Variants in ARID1B observed in about 807,000 individuals in gnomAD.
ARID1B encodes the protein AT-rich interactive domain-containing protein 1B.
ARID1B carries 30 observed loss-of-function variants against 212.3 expected under a neutral mutation model. That is an observed-to-expected ratio of 0.14 (90% CI 0.11 to 0.19). ARID1B has a LOEUF of 0.19. Among genes scored for constraint, ARID1B ranks in the 10% least tolerant of loss-of-function variants. ARID1B has a pLI of 1.00. For missense variants in ARID1B, 2,891 were observed against 3,204.0 expected, an observed-to-expected ratio of 0.90 and a Z score of 2.36; for synonymous variants, 1,402 against 1,301.7, an observed-to-expected ratio of 1.08 and a Z score of -1.66.
At chr6:156,884,173 C>T (rs1271081243) in intron 2 of ARID1B, among the ~76,000 whole-genome samples, 2 of 152,170 alleles carry the variant, frequency 1.3e-5, no homozygotes, top group Non-Finnish European at 2.9e-5. Context: ...CAGCAAGTGT[C>T]CTCTGTGTTC....
intron 1 of ARID1B, among the ~76,000 whole-genome samples, chr6:156,797,403 T>G (rs181132400): frequency 6.6e-6 from 1 of 152,358 alleles, no homozygotes; most frequent in African/African-American, 2.4e-5. Flanking sequence ...AGAGGAGCTA[T>G]CGCAGCTATT....
chr6:157,049,503 A>G lies in ARID1B; in HGVS notation c.2248-35159A>G, dbSNP rs544547248. Among the ~76,000 whole-genome samples the G allele has an allele frequency of 3.9e-5, 6 of 152,264 alleles. No homozygotes were observed. In the South Asian group the frequency reaches 8.3e-4, roughly 21 times the overall value. On this transcript the variant is annotated intron_variant, in intron 4 of 19. Coordinates refer to ENST00000636930, the MANE Select transcript of ARID1B (RefSeq NM_001374828.1). Reference sequence around the variant, plus strand: ...TTTCTTTTTTTTCCCCTAGCTACACATGGCAGTTTAAAGCATTTAATTGGC... The same window carrying G: ...TTTCTTTTTTTTCCCCTAGCTACACGTGGCAGTTTAAAGCATTTAATTGGC...
intron 4 of ARID1B, among the ~76,000 whole-genome samples, chr6:157,012,084 A>G (rs533463457): frequency 1.3e-5 from 2 of 152,384 alleles, no homozygotes; most frequent in African/African-American, 4.8e-5. Context: ...AAGAATTATG[A>G]TAAGATGAAC....
intron 2 of ARID1B, among the ~76,000 whole-genome samples, chr6:156,858,422 A>G (rs1785096900): frequency 1.3e-5 from 2 of 152,184 alleles, no homozygotes; most frequent in South Asian, 4.2e-4. Flanking sequence ...GAGGTGATGG[A>G]TATATTAATT....
intron 4 of ARID1B, among the ~76,000 whole-genome samples, chr6:157,029,282 T>G (rs1780877883): frequency 6.6e-6 from 1 of 152,368 alleles, no homozygotes; most frequent in South Asian, 2.1e-4. Flanking sequence ...TATAGTTATA[T>G]TAGGTAGAGC....
At chr6:156,962,192 G>C (rs541072240) in intron 4 of ARID1B, among the ~76,000 whole-genome samples, 1 of 151,998 alleles carries the variant, frequency 6.6e-6, no homozygotes, top group Non-Finnish European at 1.5e-5. Context: ...CCAGCTACTC[G>C]GAAGGCTGAG....
At chr6:156,867,044 C>A (rs937878908) in intron 2 of ARID1B, among the ~76,000 whole-genome samples, 3 of 152,164 alleles carry the variant, frequency 2.0e-5, no homozygotes, top group Non-Finnish European at 4.4e-5. Context: ...TATTATAATG[C>A]TATTTGTGTA....
In ARID1B at chr6:157,208,109, G is replaced by T. The variant is rs1049541242; in HGVS notation, c.*218G>T. On this transcript the variant is annotated 3_prime_UTR_variant, in exon 20 of 20. Coordinates refer to ENST00000636930, the MANE Select transcript of ARID1B (RefSeq NM_001374828.1). ...TGTGTGTATAAGTACATCCTTTGGG[G>T]TTTTTTTTTTCTCTTTTTTTTAACC... The T allele has an allele frequency of 7.8e-5, 35 of 446,418 alleles. No homozygotes were observed. The highest frequency in any genetic ancestry group is 6.3e-4 in the Middle Eastern group (1 of 1,580). 27.7% of individuals were successfully genotyped at this position (446,418 alleles called of 1,614,324 possible).
At chr6:156,874,671 C>A (rs991602793) in intron 2 of ARID1B, among the ~76,000 whole-genome samples, 1 of 152,196 alleles carries the variant, frequency 6.6e-6, no homozygotes, top group Non-Finnish European at 1.5e-5. Flanking sequence ...CTTACACAAA[C>A]CCCGCCTTCT....
At chr6:156,916,923 AAG>A (rs1790403484) in intron 3 of ARID1B, among the ~76,000 whole-genome samples, 1 of 152,114 alleles carries the variant, frequency 6.6e-6, no homozygotes, top group Non-Finnish European at 1.5e-5. Flanking sequence ...AGGTAACTCA[AAG>A]AGAGTTGCCT....
At chr6:156,798,005 T>A (rs148722747) in intron 1 of ARID1B, among the ~76,000 whole-genome samples, 1 of 152,130 alleles carries the variant, frequency 6.6e-6, no homozygotes, top group Non-Finnish European at 1.5e-5. Flanking sequence ...GGGGCTGACA[T>A]TGTGGTCATT....
chr6:156,856,442 C>T (rs1269687428), intron 2 of ARID1B, among the ~76,000 whole-genome samples: 2 of 152,154 alleles, frequency 1.3e-5, no homozygotes, highest in Non-Finnish European at 2.9e-5. Context: ...GTCCTATTAA[C>T]TCATTTTACA....
At chr6:157,017,424 C>T (rs1779973193) in intron 4 of ARID1B, among the ~76,000 whole-genome samples, 1 of 152,098 alleles carries the variant, frequency 6.6e-6, no homozygotes, top group South Asian at 2.1e-4. Flanking sequence ...TTTGTTGTGG[C>T]TAATAGATGA....
intron 4 of ARID1B, chr6:156,937,801 C>T (rs1792372760): frequency 6.6e-6 from 1 of 151,834 alleles, no homozygotes; most frequent in Non-Finnish European, 1.5e-5. Context: ...CAGCTATCTT[C>T]CTTAACCTTT....
chr6:156,975,920 C>G (rs894237745), intron 4 of ARID1B, among the ~76,000 whole-genome samples: 6 of 151,866 alleles, frequency 4.0e-5, no homozygotes, highest in African/African-American at 1.5e-4. Flanking sequence ...ATCATTAGTT[C>G]TTATAGGTTT....
chr6:156,858,684 G>T (rs1021314285), intron 2 of ARID1B, among the ~76,000 whole-genome samples: 4 of 152,148 alleles, frequency 2.6e-5, no homozygotes, highest in Admixed American at 6.5e-5. Flanking sequence ...CAGGAGAATC[G>T]CTTGGACCCA....
chr6:157,032,282 C>G (rs749205927), intron 4 of ARID1B, among the ~76,000 whole-genome samples: 17 of 152,140 alleles, frequency 1.1e-4, no homozygotes, highest in Non-Finnish European at 2.5e-4. Flanking sequence ...TCTCTTAAAA[C>G]CTGAATTTTT....
chr6:156,829,972 G>C lies in ARID1B; in HGVS notation c.1986+551G>C, dbSNP rs570379753. Among the ~76,000 whole-genome samples, 332 of 152,130 alleles carry C rather than the reference G, an allele frequency of 2.2e-3. 3 individuals are homozygous for C. Among genetic ancestry groups the C allele is most frequent in the Non-Finnish European group, 7.4e-4 (50 of 67,994 alleles). On this transcript the variant is annotated intron_variant, in intron 2 of 19. Coordinates refer to ENST00000636930, the MANE Select transcript of ARID1B (RefSeq NM_001374828.1). ...GATTTGATGTGCATCTGTTTTGTTAGGTCTTGATGGGTTTTGTGTTTTTAC... is the reference window on the plus strand; with the variant it reads ...GATTTGATGTGCATCTGTTTTGTTACGTCTTGATGGGTTTTGTGTTTTTAC...
chr6:157,062,784 A>C (rs1783430482), intron 4 of ARID1B, among the ~76,000 whole-genome samples: 1 of 150,460 alleles, frequency 6.6e-6, no homozygotes, highest in Non-Finnish European at 1.5e-5. Context: ...GCTCACTGCA[A>C]CCCCTGCCTC....
Sources: allele counts gnomAD v4.1 joint callset (sites outside exome capture counted in the v4.1 genomes callset), GRCh38; gene constraint gnomAD v4.1.1; transcripts MANE v1.5; gene names NCBI Gene and HGNC (gene_info 2026-07-23, HGNC 2026-07-21).